The following PTPRT variants were observed in gnomAD, a reference collection of about 807,000 sequenced individuals.
PTPRT encodes protein tyrosine phosphatase receptor type T.
Under a neutral mutation model 176.8 loss-of-function variants are expected in PTPRT, and 56 were observed. That is an observed-to-expected ratio of 0.32 (90% CI 0.26 to 0.40). The LOEUF is 0.40. Among genes scored for constraint, PTPRT ranks in the 10% least tolerant of loss-of-function variants. The pLI, the probability that PTPRT is intolerant of heterozygous loss-of-function variation, is 1.00. For missense variants in PTPRT, 1,540 were observed against 1,908.2 expected (o/e 0.81, Z 3.60); for synonymous variants, 783 against 739.0 (o/e 1.06, Z -0.96).
intron 6 of PTPRT, among the ~76,000 whole-genome samples, chr20:42,733,063 G>A (rs568723408): frequency 1.3e-5 from 2 of 152,118 alleles, no homozygotes; most frequent in Non-Finnish European, 2.9e-5. Context: ...AACCTCATGT[G>A]GAAATAAAGG....
At chr20:42,258,995 A>G (rs1600739759) in intron 13 of PTPRT, among the ~76,000 whole-genome samples, 1 of 152,208 alleles carries the variant, frequency 6.6e-6, no homozygotes, top group Non-Finnish European at 1.5e-5. Context: ...CAGCCTATAC[A>G]ACTAAAACTG....
intron 7 of PTPRT, among the ~76,000 whole-genome samples, chr20:42,477,057 T>C (rs560811656): frequency 3.0e-4 from 46 of 152,338 alleles, no homozygotes; most frequent in African/African-American, 1.1e-3. Flanking sequence ...TGCAGCGACC[T>C]CAGTCCTCAG....
intron 7 of PTPRT, among the ~76,000 whole-genome samples, chr20:42,561,669 G>T (rs551184410): frequency 3.3e-5 from 5 of 152,284 alleles, no homozygotes; most frequent in African/African-American, 1.2e-4. Context: ...TCCACACTTG[G>T]TCATGCTGCT....
intron 16 of PTPRT, among the ~76,000 whole-genome samples, chr20:42,187,424 T>G (rs1990824500): frequency 6.6e-6 from 1 of 152,172 alleles, no homozygotes; most frequent in Non-Finnish European, 1.5e-5. Flanking sequence ...CATGGAACCC[T>G]TTTCAAAATT....
At chr20:42,656,020 G>A (rs1194330957) in intron 7 of PTPRT, among the ~76,000 whole-genome samples, 1 of 152,156 alleles carries the variant, frequency 6.6e-6, no homozygotes, top group Non-Finnish European at 1.5e-5. Context: ...TCAGAGATGA[G>A]AAACAGTGGA....
chr20:43,145,230 A>C (rs1232714872), intron 1 of PTPRT, among the ~76,000 whole-genome samples: 1 of 152,206 alleles, frequency 6.6e-6, no homozygotes, highest in African/African-American at 2.4e-5. Flanking sequence ...GCCCTCAATA[A>C]TCTACTTTAT....
intron 9 of PTPRT, among the ~76,000 whole-genome samples, chr20:42,428,811 T>C (rs1459083909): frequency 6.6e-6 from 1 of 152,194 alleles, no homozygotes; most frequent in Non-Finnish European, 1.5e-5. Flanking sequence ...AGGGCACCCC[T>C]CCTCAAGGAT....
chr20:42,104,200 G>A (rs1986211776), intron 25 of PTPRT, among the ~76,000 whole-genome samples: 1 of 152,162 alleles, frequency 6.6e-6, no homozygotes, highest in Non-Finnish European at 1.5e-5. Flanking sequence ...CAGGTGTGGT[G>A]GCTCCTGCCT....
At chr20:42,198,206 T>C (rs922102516) in intron 16 of PTPRT, among the ~76,000 whole-genome samples, 1 of 152,210 alleles carries the variant, frequency 6.6e-6, no homozygotes, top group Non-Finnish European at 1.5e-5. Context: ...CCAAACACAC[T>C]TAGCATTGCA....
chr20:42,522,496 T>C (rs960053617), intron 7 of PTPRT, among the ~76,000 whole-genome samples: 2 of 152,166 alleles, frequency 1.3e-5, no homozygotes, highest in African/African-American at 4.8e-5. Flanking sequence ...TCACTCACTC[T>C]ATTGCTCAGG....
At chr20:43,182,443 T>TA (rs2015281125) in intron 1 of PTPRT, among the ~76,000 whole-genome samples, 1 of 151,596 alleles carries the variant, frequency 6.6e-6, no homozygotes, top group Non-Finnish European at 1.5e-5. Flanking sequence ...CAGGCAGAAG[T>TA]ACAGTGGCAT....
intron 1 of PTPRT, among the ~76,000 whole-genome samples, chr20:43,079,800 C>A (rs957160490): frequency 6.6e-6 from 1 of 152,072 alleles, no homozygotes; most frequent in Non-Finnish European, 1.5e-5. Flanking sequence ...TGATGTTATA[C>A]GCAAATAAAC....
At chr20:42,718,485 C>T (rs2076259361) in intron 6 of PTPRT, among the ~76,000 whole-genome samples, 1 of 151,932 alleles carries the variant, frequency 6.6e-6, no homozygotes, top group South Asian at 2.1e-4. Context: ...TGCAGTGGGC[C>T]GAGATTGCGC....
intron 1 of PTPRT, among the ~76,000 whole-genome samples, chr20:43,150,487 C>T (rs1249285497): frequency 6.6e-6 from 1 of 151,844 alleles, no homozygotes; most frequent in Admixed American, 6.6e-5. Flanking sequence ...GATTGAGTCT[C>T]GCTCTGTCGC....
At chr20:42,156,428 C>T (rs2146482366) in intron 17 of PTPRT, among the ~76,000 whole-genome samples, 1 of 152,340 alleles carries the variant, frequency 6.6e-6, no homozygotes, top group Middle Eastern at 3.4e-3. Flanking sequence ...TACTCACTTG[C>T]TTGGTGACCT....
At chr20:42,991,887 T>A (rs1462263142) in intron 1 of PTPRT, among the ~76,000 whole-genome samples, 1 of 152,064 alleles carries the variant, frequency 6.6e-6, no homozygotes, top group Non-Finnish European at 1.5e-5. Context: ...GTTCAAACAA[T>A]CCCAGCCCAT....
intron 6 of PTPRT, among the ~76,000 whole-genome samples, chr20:42,698,711 T>G (rs574980206): frequency 1.3e-5 from 2 of 152,294 alleles, no homozygotes; most frequent in East Asian, 3.9e-4. Flanking sequence ...CATCATTTAT[T>G]CATTCATCCA....
At chr20:42,673,368 A>G (rs1440130160) in intron 7 of PTPRT, among the ~76,000 whole-genome samples, 1 of 152,174 alleles carries the variant, frequency 6.6e-6, no homozygotes, top group Non-Finnish European at 1.5e-5. Flanking sequence ...CCTTACAGCA[A>G]ATTTCTAGGC....
chr20:42,525,131 C>T (rs1004616494), intron 7 of PTPRT, among the ~76,000 whole-genome samples: 52 of 152,082 alleles, frequency 3.4e-4, no homozygotes, highest in African/African-American at 1.2e-3. Context: ...TATATGAGCA[C>T]ACCACCACAG....
Sources: gnomAD v4.1 joint callset for allele counts (sites outside exome capture counted in the v4.1 genomes callset) on GRCh38, gnomAD v4.1.1 for gene constraint, MANE v1.5 for transcripts, NCBI Gene and HGNC (gene_info 2026-07-23, HGNC 2026-07-21) for gene names.